ZNF609: variants seen among roughly 807,000 people sequenced by gnomAD.
The protein encoded by ZNF609 is zinc finger protein 609.
In ZNF609, 11 loss-of-function variants were observed where a neutral mutation model predicts 109.5. The ratio of observed to expected loss-of-function variants is 0.10; its 90% CI spans 0.06 to 0.17. The LOEUF is 0.17. Among genes scored for constraint, ZNF609 ranks in the 10% least tolerant of loss-of-function variants. ZNF609 has a pLI of 1.00. For missense variants in ZNF609, 1,559 were observed against 1,772.4 expected (o/e 0.88, Z 2.16); for synonymous variants, 646 against 662.0 (o/e 0.98, Z 0.37).
At chr15:64,630,585 G>A (rs1298673403) in intron 3 of ZNF609, among the ~76,000 whole-genome samples, 2 of 151,496 alleles carry the variant, frequency 1.3e-5, no homozygotes, top group Non-Finnish European at 2.9e-5. Flanking sequence ...TTTTTGAGAT[G>A]GAGTTTCACT....
At chr15:64,624,755 C>T (rs1480147351) in intron 3 of ZNF609, among the ~76,000 whole-genome samples, 2 of 126,286 alleles carry the variant, frequency 1.6e-5, no homozygotes, top group Admixed American at 1.1e-4. Context: ...TCCCCTGTTA[C>T]GTACACTTTT....
chr15:64,562,303 A>G (rs1043288085), intron 2 of ZNF609, among the ~76,000 whole-genome samples: 1 of 152,234 alleles, frequency 6.6e-6, no homozygotes, highest in African/African-American at 2.4e-5. Context: ...GGTGCCTTCA[A>G]AGTAGACTAT....
At position 64,683,935 on chromosome 15, in the gene ZNF609, G is replaced by T. The variant is rs1280077528; in HGVS notation, c.*2249G>T. The T allele has an allele frequency of 6.6e-6, 1 of 152,144 alleles. No homozygotes were observed. The highest frequency in any genetic ancestry group is 6.5e-5 in the Admixed American group (1 of 15,276). The allele number at this position is 152,144 out of a possible 1,614,324, so 9.4% of individuals were successfully genotyped here. A position where few individuals can be genotyped will look rare whatever the true frequency, so the allele number is the denominator to read the frequency against. On this transcript the variant is annotated 3_prime_UTR_variant, in exon 10 of 10. Transcript: ENST00000326648. ...AGAGGACGAACTTCTGTATTAGCTG[G>T]GCAGCCTTGGGTTCTCCAGAAGAGA...
intron 2 of ZNF609, among the ~76,000 whole-genome samples, chr15:64,576,197 T>G (rs1267550916): frequency 6.6e-6 from 1 of 152,100 alleles, no homozygotes; most frequent in African/African-American, 2.4e-5. Context: ...AAACCCCTGG[T>G]TTGCCTTCTT....
rs2083232928 is a variant in ZNF609, at chr15:64,685,021, T to C, written c.*3335T>C. ...GCTCAGCCCTCCCATTGGGAGCAGGTTGGGGCGAGCTGGAGGCCCGGGCTG... is the reference window on the plus strand; with the variant it reads ...GCTCAGCCCTCCCATTGGGAGCAGGCTGGGGCGAGCTGGAGGCCCGGGCTG... On this transcript the variant is annotated 3_prime_UTR_variant, in exon 10 of 10. Transcript: ENST00000326648. The C allele has an allele frequency of 6.6e-6, 1 of 152,594 alleles. No individual in the cohort carries two copies. Among genetic ancestry groups the C allele is most frequent in the African/African-American group, 2.4e-5 (1 of 41,426 alleles). 9.5% of individuals were successfully genotyped at this position (152,594 alleles called of 1,614,324 possible).
intron 2 of ZNF609, among the ~76,000 whole-genome samples, chr15:64,607,400 TTGAA>T (rs1227889166): frequency 6.6e-6 from 1 of 152,048 alleles, no homozygotes; most frequent in Non-Finnish European, 1.5e-5. Context: ...CACCAACAGA[TTGAA>T]TGGAGAATCC....
rs939520608 is a variant in ZNF609, at chr15:64,637,040, C to T, written c.973+13988C>T. Among the ~76,000 whole-genome samples, 13 of 152,332 alleles carry T rather than the reference C, an allele frequency of 8.5e-5. No individual in the cohort carries two copies. The South Asian group carries it at 2.7e-3, about 32-fold the overall frequency. ...CAGTATTGCCAGAACCCCAAAATCT[C>T]TTTCATGCCTCCCTTCTAATAGCTA... On this transcript the variant is annotated intron_variant, in intron 3 of 9. Coordinates refer to ENST00000326648, the MANE Select transcript of ZNF609 (RefSeq NM_015042.2).
chr15:64,544,675 G>T (rs1894327077), intron 2 of ZNF609, among the ~76,000 whole-genome samples: 1 of 152,206 alleles, frequency 6.6e-6, no homozygotes, highest in Non-Finnish European at 1.5e-5. Context: ...AGCCAGCAGT[G>T]ACTGTCAGGC....
intron 2 of ZNF609, among the ~76,000 whole-genome samples, chr15:64,532,603 C>G (rs1026131124): frequency 3.3e-5 from 5 of 152,192 alleles, no homozygotes; most frequent in African/African-American, 9.6e-5. Context: ...ACTTGGTTGT[C>G]TGCTCACGTT....
chr15:64,649,425 C>T (rs904374451), intron 3 of ZNF609, among the ~76,000 whole-genome samples: 1 of 152,078 alleles, frequency 6.6e-6, no homozygotes, highest in African/African-American at 2.4e-5. Flanking sequence ...TGCACACACC[C>T]ATGCTGCTGG....
At chr15:64,576,416 C>A (rs1016739319) in intron 2 of ZNF609, among the ~76,000 whole-genome samples, 2 of 150,904 alleles carry the variant, frequency 1.3e-5, no homozygotes. Context: ...GTTATGATGT[C>A]AATTCAGAAT....
chr15:64,559,319 C>A (rs1894642165), intron 2 of ZNF609, among the ~76,000 whole-genome samples: 1 of 152,142 alleles, frequency 6.6e-6, no homozygotes, highest in Non-Finnish European at 1.5e-5. Context: ...GCCAAAAGCT[C>A]ACCTCTTGGT....
intron 2 of ZNF609, among the ~76,000 whole-genome samples, chr15:64,528,423 G>T (rs1041911955): frequency 1.3e-5 from 2 of 150,774 alleles, no homozygotes; most frequent in Non-Finnish European, 1.5e-5. Context: ...TTTTTTGTGG[G>T]TTTTTTTATT....
At chr15:64,554,997 G>A (rs1197574212) in intron 2 of ZNF609, among the ~76,000 whole-genome samples, 3 of 151,718 alleles carry the variant, frequency 2.0e-5, no homozygotes, top group Admixed American at 2.0e-4. Flanking sequence ...TTGGGAGGCT[G>A]AGGCAGGAGA....
chr15:64,476,346 CATA>C (rs1408303722), intron 1 of ZNF609, among the ~76,000 whole-genome samples: 1 of 147,628 alleles, frequency 6.8e-6, no homozygotes, highest in Non-Finnish European at 1.5e-5. Flanking sequence ...TAGAAATAAA[CATA>C]ATAATATATA....
At chr15:64,620,651 G>T (rs1367938809) in intron 2 of ZNF609, among the ~76,000 whole-genome samples, 1 of 152,132 alleles carries the variant, frequency 6.6e-6, no homozygotes, top group Non-Finnish European at 1.5e-5. Context: ...AGTACAAGGG[G>T]TGTGTGTGTG....
chr15:64,562,120 C>A (rs1023951995), intron 2 of ZNF609, among the ~76,000 whole-genome samples: 1 of 152,182 alleles, frequency 6.6e-6, no homozygotes, highest in African/African-American at 2.4e-5. Context: ...CTAATAATTT[C>A]AGTTCAATCT....
chr15:64,681,010 C>A, intron 8 of ZNF609, 148 bp downstream of exon 8: 1 of 883,070 alleles, frequency 1.1e-6, no homozygotes, highest in Non-Finnish European at 1.7e-6. Flanking sequence ...CTAATCTGTG[C>A]ACAGTCCTAA....
intron 3 of ZNF609, among the ~76,000 whole-genome samples, chr15:64,634,656 C>A (rs1332138698): frequency 6.6e-6 from 1 of 152,176 alleles, no homozygotes; most frequent in Non-Finnish European, 1.5e-5. Context: ...CCAGGCAGTA[C>A]TCACCTAGAG....
Sources: allele counts gnomAD v4.1 joint callset (sites outside exome capture counted in the v4.1 genomes callset), GRCh38; gene constraint gnomAD v4.1.1; transcripts MANE v1.5; gene names NCBI Gene and HGNC (gene_info 2026-07-23, HGNC 2026-07-21).